Variants in SLC43A1 observed in about 807,000 individuals in gnomAD.
SLC43A1 encodes solute carrier family 43 member 1, also known as large neutral amino acids transporter small subunit 3.
SLC43A1 carries 31 observed loss-of-function variants against 59.5 expected under a neutral mutation model. The ratio of observed to expected loss-of-function variants is 0.52; its 90% CI spans 0.39 to 0.70. The LOEUF is 0.70. Ranked by LOEUF, SLC43A1 falls within the 30% of genes least tolerant of loss-of-function variation. The pLI, the probability that SLC43A1 is intolerant of heterozygous loss-of-function variation, is 0.00. For missense variants in SLC43A1, 598 were observed against 717.8 expected (o/e 0.83, Z 1.91); for synonymous variants, 259 against 290.9 (o/e 0.89, Z 1.12).
intron 13 of SLC43A1, among the ~76,000 whole-genome samples, chr11:57,487,419 C>A (rs1943773314): frequency 6.6e-6 from 1 of 152,174 alleles, no homozygotes; most frequent in Non-Finnish European, 1.5e-5. Context: ...GGTTCTCACA[C>A]CTCCTGTATG....
Position 57,514,926 on chromosome 11 carries a change from G to A in SLC43A1, c.-14+518C>T. ...GTGGCGGATGGGCTGGCGGGCGGGTGTGTTTACCAAAGGGAGGGAAAGAGC... is the reference window on the plus strand; with the variant it reads ...GTGGCGGATGGGCTGGCGGGCGGGTATGTTTACCAAAGGGAGGGAAAGAGC... On this transcript the variant is annotated intron_variant, in intron 1 of 14. Coordinates refer to ENST00000278426, the MANE Select transcript of SLC43A1 (RefSeq NM_003627.6). This position sits in a 1 kb window ranked among gnomAD's most constrained non-coding sequence, Gnocchi z 5.5. 3 of 974,212 alleles carry A rather than the reference G, an allele frequency of 3.1e-6. No individual in the cohort carries two copies. The highest frequency in any genetic ancestry group is 3.7e-6 in the Non-Finnish European group (3 of 819,794). 60.3% of individuals were successfully genotyped at this position (974,212 alleles called of 1,614,324 possible). A position where few individuals can be genotyped will look rare whatever the true frequency, so the allele number is the denominator to read the frequency against.
Position 57,496,076 on chromosome 11 carries a change from T to C in SLC43A1, c.647A>G (p.Asn216Ser), listed in dbSNP as rs1328461348. The C allele has an allele frequency of 1.2e-6, 2 of 1,613,978 alleles. No individual in the cohort carries two copies. Among genetic ancestry groups the C allele is most frequent in the Admixed American group, 1.7e-5 (1 of 59,990 alleles). ...ACLIFLNCTL[N>S]WPIEAFPAPE... ...GGCAGGAAAGGCTTCGATGGGCCAG[T>C]TGAGGGTGCAGTTCAGAAAGATAAG... Residue 216 changes from asparagine to serine, a missense_variant, in exon 7 of 15, where the codon AAC becomes AGC. Coordinates refer to ENST00000278426, the MANE Select transcript of SLC43A1 (RefSeq NM_003627.6).
intron 6 of SLC43A1, among the ~76,000 whole-genome samples, chr11:57,496,572 C>A (rs150072710): frequency 6.6e-6 from 1 of 152,298 alleles, no homozygotes; most frequent in Non-Finnish European, 1.5e-5. Flanking sequence ...CGGGCCTAAT[C>A]GTGTTTATCC....
At chr11:57,486,801 TC>T (rs1943744446) in intron 14 of SLC43A1, among the ~76,000 whole-genome samples, 1 of 151,720 alleles carries the variant, frequency 6.6e-6, no homozygotes, top group South Asian at 2.1e-4. Flanking sequence ...AGAATGAGAC[TC>T]CGTCTCAAAA....
rs899360224 is a variant in SLC43A1, at chr11:57,489,009, G to A, written c.1336-20C>T. 2.5e-6 allele frequency: 4 copies of A among 1,611,368 alleles called. No homozygotes were observed. The African/African-American group carries it at 4.0e-5, about 16-fold the overall frequency. On this transcript the variant is annotated intron_variant, in intron 12 of 14. Transcript: ENST00000278426. ...CACAAACTAAAACCAAAAAGAGAGA[G>A]TGAAGAGGTTAGGAGAGTGTGTGGA...
rs368500654 is a variant in SLC43A1, at chr11:57,491,708, T to G, written c.1018+8A>C. 4.5e-5 allele frequency: 73 copies of G among 1,614,216 alleles called. No homozygotes were observed. In the East Asian group the frequency reaches 7.1e-4, roughly 16 times the overall value. On this transcript the variant is annotated splice_region_variant and intron_variant, in intron 9 of 14. Transcript: ENST00000278426. The stretch of plus-strand genomic sequence containing the variant: ...CCCCAACCCCCAGGGGCCTCAGCGG[T>G]GCCTCACCATGCTCCTGGCCACCAG...
chr11:57,509,029 C>A (rs1342052687), intron 2 of SLC43A1, among the ~76,000 whole-genome samples: 1 of 150,614 alleles, frequency 6.6e-6, no homozygotes, highest in Non-Finnish European at 1.5e-5. Context: ...GGCAGGAGAA[C>A]TGCTTGAAAC....
intron 2 of SLC43A1, among the ~76,000 whole-genome samples, chr11:57,501,606 T>G (rs1191642790): frequency 6.6e-6 from 1 of 152,212 alleles, no homozygotes; most frequent in Admixed American, 6.5e-5. Context: ...ATGCACTCAG[T>G]GTCCAAGCTT....
At chr11:57,512,814 G>A (rs984485297) in intron 2 of SLC43A1, among the ~76,000 whole-genome samples, 7 of 152,134 alleles carry the variant, frequency 4.6e-5, no homozygotes, top group East Asian at 1.9e-4. Context: ...TGGGAGAGTC[G>A]CCATCTCTCG....
In SLC43A1 at chr11:57,515,250, T is replaced by A; in HGVS notation, c.-14+194A>T. On this transcript the variant is annotated intron_variant, in intron 1 of 14. Transcript: ENST00000278426. This position sits in a 1 kb window ranked among gnomAD's most constrained non-coding sequence, Gnocchi z 5.3. The stretch of plus-strand genomic sequence containing the variant: ...CGGGGACCCGGGAGGAAGAGAAGAG[T>A]CGGAGGGGTCAGAGAAAAGAAAAGG... 1 of 159,120 alleles carries A rather than the reference T, an allele frequency of 6.3e-6. No homozygotes were observed. Among genetic ancestry groups the A allele is most frequent in the Non-Finnish European group, 1.3e-5 (1 of 76,046 alleles). The allele number at this position is 159,120 out of a possible 1,614,324, so 9.9% of individuals were successfully genotyped here.
intron 8 of SLC43A1, among the ~76,000 whole-genome samples, chr11:57,492,499 A>T (rs1424076289): frequency 7.9e-6 from 1 of 127,206 alleles, no homozygotes; most frequent in East Asian, 2.0e-4. Context: ...TATAATATAT[A>T]ATATAATATA....
intron 11 of SLC43A1, among the ~76,000 whole-genome samples, chr11:57,490,713 CTG>C (rs1411935170): frequency 6.6e-6 from 1 of 152,230 alleles, no homozygotes; most frequent in Non-Finnish European, 1.5e-5. Flanking sequence ...TGATTTCTGA[CTG>C]TCAGAAACTG....
chr11:57,491,858 A>G lies in SLC43A1; in HGVS notation c.876T>C (p.Ser292=). 5 of 1,614,048 alleles carry G rather than the reference A, an allele frequency of 3.1e-6. No individual in the cohort carries two copies. Among genetic ancestry groups the G allele is most frequent in the Non-Finnish European group, 3.4e-6 (4 of 1,179,998 alleles). ...AGCAGAGGCTCTTGCGTAAGGGGAC[A>G]GACCCTGGGGAGACAGCAGGGGGCG... ...RGTSENLPER[S]VPLRKSLCSP... Residue 292 remains serine (S), a synonymous_variant, in exon 9 of 15, where the codon TCT becomes TCC. Coordinates refer to ENST00000278426, the MANE Select transcript of SLC43A1 (RefSeq NM_003627.6).
chr11:57,489,294 A>G lies in SLC43A1; in HGVS notation c.1292T>C (p.Val431Ala). 3.1e-6 allele frequency: 5 copies of G among 1,614,194 alleles called. No individual in the cohort carries two copies. Among genetic ancestry groups the G allele is most frequent in the Non-Finnish European group, 4.2e-6 (5 of 1,180,036 alleles). The change falls in exon 12 of 15, where the codon GTG becomes GCG. Residue 431 changes from valine (V) to alanine (A), a missense_variant. By Grantham distance (64) the Val-to-Ala change is moderately conservative. Coordinates refer to ENST00000278426, the MANE Select transcript of SLC43A1 (RefSeq NM_003627.6). ...GATGAGACAGGTGATGCCAAAACCC[A>G]CAAGCAGCAGGTTGGTCAGGGTGAA... ...SAFTLTNLLL[V>A]GFGITCLINN...
intron 5 of SLC43A1, among the ~76,000 whole-genome samples, chr11:57,498,256 C>T (rs1040576617): frequency 2.0e-5 from 3 of 152,116 alleles, no homozygotes; most frequent in African/African-American, 7.2e-5. Context: ...GCCTGGACAA[C>T]ATGGTGAAAC....
At position 57,491,155 on chromosome 11, in the gene SLC43A1, A is replaced by T; in HGVS notation, c.1193+69T>A. Reference sequence around the variant, plus strand: ...GAGAAAGCAACAAGTTGCTGGATGTAAACGCACAGAGAAAATGAAAAGCAC... The same window carrying T: ...GAGAAAGCAACAAGTTGCTGGATGTTAACGCACAGAGAAAATGAAAAGCAC... On this transcript the variant is annotated intron_variant, in intron 11 of 14. Coordinates refer to ENST00000278426, the MANE Select transcript of SLC43A1 (RefSeq NM_003627.6). 2.7e-6 allele frequency: 4 copies of T among 1,462,260 alleles called. No individual in the cohort carries two copies. The South Asian group carries it at 6.2e-5, about 23-fold the overall frequency. The allele number at this position is 1,462,260 out of a possible 1,614,324, so 90.6% of individuals were successfully genotyped here.
At chr11:57,511,116 T>C (rs1944529503) in intron 2 of SLC43A1, among the ~76,000 whole-genome samples, 2 of 151,914 alleles carry the variant, frequency 1.3e-5, no homozygotes, top group African/African-American at 4.8e-5. Context: ...AATGAAAGCA[T>C]ACCTCGACAT....
chr11:57,497,783 G>A lies in SLC43A1; in HGVS notation c.528C>T (p.Ala176=), dbSNP rs1456896534. Residue 176 remains alanine, a synonymous_variant, in exon 6 of 15, where the codon GCC becomes GCT. Coordinates refer to ENST00000278426, the MANE Select transcript of SLC43A1 (RefSeq NM_003627.6). ...TLMALMIGSY[A]SSAITFPGIK... ...TTCCTGGGAACGTAATGGCAGAAGA[G>A]GCGTAAGAGCCAATCATGAGGGCCA... 1 of 1,613,798 alleles carries A rather than the reference G, an allele frequency of 6.2e-7. No homozygotes were observed. The highest frequency in any genetic ancestry group is 8.5e-7 in the Non-Finnish European group (1 of 1,179,866).
chr11:57,493,869 T>C, intron 8 of SLC43A1, 124 bp downstream of exon 8: 1 of 898,176 alleles, frequency 1.1e-6, no homozygotes, highest in Non-Finnish European at 1.6e-6. Context: ...ATGCCCCACC[T>C]ACATCATGGG....
Sources: gnomAD v4.1 joint callset for allele counts (sites outside exome capture counted in the v4.1 genomes callset) on GRCh38, gnomAD v4.1.1 for gene constraint, Gnocchi (gnomAD v3.1) non-coding constraint, MANE v1.5 for transcripts, NCBI Gene and HGNC (gene_info 2026-07-23, HGNC 2026-07-21) for gene names.